PPM1K: variants seen among roughly 807,000 people sequenced by gnomAD.
The protein encoded by PPM1K is protein phosphatase, Mg2+/Mn2+ dependent 1K.
In PPM1K, 19 loss-of-function variants were observed where a neutral mutation model predicts 32.6. The observed-to-expected ratio is 0.58, with a 90% CI of 0.41 to 0.86. The LOEUF (loss-of-function observed/expected upper bound fraction) is 0.86, where lower values mean the gene tolerates loss of function less well. PPM1K is among the 40% of genes least tolerant of loss of function. The pLI, the probability that PPM1K is intolerant of heterozygous loss-of-function variation, is 0.00. For missense variants in PPM1K, 362 were observed against 461.2 expected, an observed-to-expected ratio of 0.78 and a Z score of 1.97; for synonymous variants, 159 against 165.3, an observed-to-expected ratio of 0.96 and a Z score of 0.29.
chr4:88,270,832 G>A (rs1044401202), intron 3 of PPM1K, among the ~76,000 whole-genome samples: 2 of 152,148 alleles, frequency 1.3e-5, no homozygotes, highest in African/African-American at 4.8e-5. Context: ...TATAGGAAAG[G>A]CTTCAAAACT....
rs773750529 is a variant in PPM1K, at chr4:88,278,971, ATCAC to A, written c.-59-333_-59-330del. 15 of 181,198 alleles carry A rather than the reference ATCAC, an allele frequency of 8.3e-5. No individual in the cohort carries two copies. Among genetic ancestry groups the A allele is most frequent in the Non-Finnish European group, 1.6e-4 (14 of 86,116 alleles). The allele number at this position is 181,198 out of a possible 1,614,324, so 11.2% of individuals were successfully genotyped here. ...TGTATCTCTTAAACTTGAACCTGCA[ATCAC>A]TTGTTAAAATGCATGTTCTGACCCA... On this transcript the variant is annotated intron_variant, in intron 1 of 6. Coordinates refer to ENST00000608933, the MANE Select transcript of PPM1K (RefSeq NM_152542.5). This position sits in a 1 kb window ranked among gnomAD's most constrained non-coding sequence, Gnocchi z 4.2.
intron 2 of PPM1K, 96 bp from the exon 3 acceptor site, chr4:88,277,339 G>A: frequency 1.3e-6 from 1 of 798,668 alleles, no homozygotes; most frequent in Non-Finnish European, 2.1e-6. Context: ...CACACAACGG[G>A]CCTCAGGATT....
At chr4:88,265,436 G>A (rs1731267770) in intron 5 of PPM1K, among the ~76,000 whole-genome samples, 1 of 152,192 alleles carries the variant, frequency 6.6e-6, no homozygotes, top group Non-Finnish European at 1.5e-5. Flanking sequence ...TAGTTCCCCT[G>A]CACATGCTCT....
intron 6 of PPM1K, 86 bp downstream of exon 6, chr4:88,264,915 G>GC: frequency 7.3e-7 from 1 of 1,368,734 alleles, no homozygotes; most frequent in South Asian, 1.5e-5. Context: ...AAAATTCACT[G>GC]CAACACTCAA....
intron 3 of PPM1K, chr4:88,276,661 A>G (rs1202514876): frequency 1.0e-6 from 1 of 985,032 alleles, no homozygotes; most frequent in Non-Finnish European, 1.2e-6. Flanking sequence ...GTGCATATTA[A>G]CCATTGTCTT....
rs979099602 is a variant in PPM1K at position 88,258,253 on chromosome 4, A to G, written c.*4342T>C. On this transcript the variant is annotated 3_prime_UTR_variant, in exon 7 of 7. Coordinates refer to ENST00000608933, the MANE Select transcript of PPM1K (RefSeq NM_152542.5). ...TTAAATTTATGTCTGTTCTAAGGAA[A>G]GAAACTAAATGTCCTGTTTGATATT... 1 of 152,224 alleles carries G rather than the reference A, an allele frequency of 6.6e-6. No homozygotes were observed. The allele number at this position is 152,224 out of a possible 1,614,324, so 9.4% of individuals were successfully genotyped here.
chr4:88,260,780 C>G lies in PPM1K; in HGVS notation c.*1815G>C, dbSNP rs1305953445. 1.3e-5 allele frequency: 2 copies of G among 151,738 alleles called. No homozygotes were observed. The highest frequency in any genetic ancestry group is 2.9e-5 in the Non-Finnish European group (2 of 67,952). The allele number at this position is 151,738 out of a possible 1,614,324, so 9.4% of individuals were successfully genotyped here. On this transcript the variant is annotated 3_prime_UTR_variant, in exon 7 of 7. Transcript: ENST00000608933. ...TTAAAGAAAAAAAAAAAAGTCAACT[C>G]AAAACACAGTTGAAGGTATATACTA... is the stretch of plus-strand genomic sequence containing the variant.
In PPM1K at chr4:88,278,877, C is replaced by T. The variant is rs1462499781; in HGVS notation, c.-59-235G>A. ...TAAGAACAGTGGATCAAAAATGAAT[C>T]GATTTTCCTACCGCATTCACAGCAT... On this transcript the variant is annotated intron_variant, in intron 1 of 6. Transcript: ENST00000608933. The surrounding 1 kb of genome is among the most constrained non-coding windows in gnomAD (Gnocchi z 4.2). 6 of 327,136 alleles carry T rather than the reference C, an allele frequency of 1.8e-5. 1 individual carries two copies. The East Asian group carries it at 1.9e-4, about 10-fold the overall frequency. 20.3% of individuals were successfully genotyped at this position (327,136 alleles called of 1,614,324 possible).
intron 1 of PPM1K, chr4:88,279,569 G>A (rs1382998497): frequency 6.6e-6 from 1 of 151,698 alleles, no homozygotes; most frequent in Non-Finnish European, 1.5e-5. Flanking sequence ...AACGACACTT[G>A]AGACTACACT....
intron 3 of PPM1K, 128 bp downstream of exon 3, chr4:88,277,015 T>C: frequency 3.9e-6 from 3 of 766,464 alleles, no homozygotes; most frequent in Admixed American, 2.9e-5. Context: ...AACTCATTTC[T>C]ACATAAATCC....
chr4:88,282,270 T>G (rs1381269229), intron 1 of PPM1K, among the ~76,000 whole-genome samples: 1 of 152,120 alleles, frequency 6.6e-6, no homozygotes, highest in Non-Finnish European at 1.5e-5. Context: ...TGGATTTGAG[T>G]TAAACTGTTC....
intron 6 of PPM1K, 106 bp downstream of exon 6, chr4:88,264,895 A>C: frequency 8.9e-7 from 1 of 1,129,678 alleles, no homozygotes; most frequent in Non-Finnish European, 1.2e-6. Flanking sequence ...AATATTATGG[A>C]ATCAAGTGTA....
In PPM1K at chr4:88,257,774, G is replaced by A. The variant is rs991543882; in HGVS notation, c.*4821C>T. The A allele has an allele frequency of 5.9e-5, 9 of 152,214 alleles. No individual in the cohort carries two copies. Among genetic ancestry groups the A allele is most frequent in the African/African-American group, 1.9e-4 (8 of 41,454 alleles). The allele number at this position is 152,214 out of a possible 1,614,324, so 9.4% of individuals were successfully genotyped here. A position where few individuals can be genotyped will look rare whatever the true frequency, so the allele number is the denominator to read the frequency against. On this transcript the variant is annotated 3_prime_UTR_variant, in exon 7 of 7. Coordinates refer to ENST00000608933, the MANE Select transcript of PPM1K (RefSeq NM_152542.5). ...GCAGGAGTCATTATACACTCAGGTA[G>A]TACTTTGGTAAATTACAAAACAAAT...
intron 1 of PPM1K, among the ~76,000 whole-genome samples, chr4:88,282,021 C>T (rs1005671317): frequency 6.6e-6 from 1 of 151,236 alleles, no homozygotes; most frequent in African/African-American, 2.4e-5. Context: ...GGAGAACAAA[C>T]TAGCAAACAC....
Position 88,262,556 on chromosome 4 carries a change from A to G in PPM1K, c.*39T>C. On this transcript the variant is annotated 3_prime_UTR_variant, in exon 7 of 7. Coordinates refer to ENST00000608933, the MANE Select transcript of PPM1K (RefSeq NM_152542.5). Reference sequence around the variant, plus strand: ...TATCAGTTTCTTGACATGCTCAGTGAAAAACTGTTGCACAGAAACTCTAAG... The same window carrying G: ...TATCAGTTTCTTGACATGCTCAGTGGAAAACTGTTGCACAGAAACTCTAAG... The G allele has an allele frequency of 6.2e-7, 1 of 1,607,164 alleles. No homozygotes were observed. Among genetic ancestry groups the G allele is most frequent in the Non-Finnish European group, 8.5e-7 (1 of 1,176,866 alleles).
intron 3 of PPM1K, chr4:88,275,806 C>A: frequency 2.0e-6 from 2 of 985,346 alleles, no homozygotes; most frequent in South Asian, 9.4e-5. Context: ...TTCCTCTTTT[C>A]CTTCATGTGT....
chr4:88,278,319 T>G lies in PPM1K; in HGVS notation c.265A>C (p.Lys89Gln). ...CACCCCACATTTTCCAAGCTGATTT[T>G]GGGAATTGGCTTGCCATACTTAATG... ...PSIKYGKPIPKISLENVGCAS... is the reference protein window; with the variant it reads ...PSIKYGKPIPQISLENVGCAS... The change falls in exon 2 of 7, where the codon AAA becomes CAA. Residue 89 changes from lysine (K) to glutamine (Q), a missense_variant. Physicochemically the swap from Lys to Gln is moderately conservative, Grantham distance 53 (BLOSUM62 1). Coordinates refer to ENST00000608933, the MANE Select transcript of PPM1K (RefSeq NM_152542.5). The surrounding 1 kb of genome is among the most constrained non-coding windows in gnomAD (Gnocchi z 4.2). 1.9e-6 allele frequency: 3 copies of G among 1,614,216 alleles called. No individual in the cohort carries two copies. The highest frequency in any genetic ancestry group is 2.5e-6 in the Non-Finnish European group (3 of 1,180,040).
At position 88,262,451 on chromosome 4, in the gene PPM1K, C is replaced by A; in HGVS notation, c.*144G>T. 1 of 759,246 alleles carries A rather than the reference C, an allele frequency of 1.3e-6. No homozygotes were observed. The highest frequency in any genetic ancestry group is 2.8e-5 in the East Asian group (1 of 35,898). The allele number at this position is 759,246 out of a possible 1,614,324, so 47.0% of individuals were successfully genotyped here. On this transcript the variant is annotated 3_prime_UTR_variant, in exon 7 of 7. Coordinates refer to ENST00000608933, the MANE Select transcript of PPM1K (RefSeq NM_152542.5). ...TACAGCGGAACATAAATATGATGAGCATTTATGAAAAAACTACTATCTAAG... is the reference window on the plus strand; with the variant it reads ...TACAGCGGAACATAAATATGATGAGAATTTATGAAAAAACTACTATCTAAG...
At chr4:88,268,974 T>TTTGTA in intron 3 of PPM1K, 68 bp from the exon 4 acceptor site, 1 of 1,353,682 alleles carries the variant, frequency 7.4e-7, no homozygotes, top group Non-Finnish European at 1.0e-6. Context: ...GAATTTTTAT[T>TTTGTA]ACAAAATAAA....
Sources: allele counts gnomAD v4.1 joint callset (sites outside exome capture counted in the v4.1 genomes callset), GRCh38; gene constraint gnomAD v4.1.1; non-coding constraint Gnocchi (gnomAD v3.1); transcripts MANE v1.5; gene names NCBI Gene and HGNC (gene_info 2026-07-23, HGNC 2026-07-21).